MICOS10: variants seen among roughly 807,000 people sequenced by gnomAD.
MICOS10 encodes the protein mitochondrial contact site and cristae organizing system subunit 10.
A neutral mutation model predicts 13.4 loss-of-function variants in MICOS10; 5 were observed. The ratio of observed to expected loss-of-function variants is 0.37; its 90% confidence interval spans 0.20 to 0.78. MICOS10 has a LOEUF of 0.78. Ranked by LOEUF, MICOS10 falls within the 30% of genes least tolerant of loss-of-function variation. The pLI, the probability that MICOS10 is intolerant of heterozygous loss-of-function variation, is 0.47. For missense variants in MICOS10, 101 were observed against 94.6 expected (o/e 1.07, Z -0.28); for synonymous variants, 35 against 33.6 (o/e 1.04, Z -0.15).
At chr1:19,610,367 C>CTTTTTTTTT (rs773668659) in intron 1 of MICOS10, among the ~76,000 whole-genome samples, 6 of 11,924 alleles carry the variant, frequency 5.0e-4, no homozygotes, top group African/African-American at 1.0e-3. Flanking sequence ...CACCCCCCGG[C>CTTTTTTTTT]TTTTTTTTTT....
chr1:19,618,112 C>CT (rs113033580), intron 1 of MICOS10, among the ~76,000 whole-genome samples: 5,388 of 138,148 alleles, frequency 0.039, 249 homozygotes, highest in African/African-American at 0.1. Context: ...TTATACTACA[C>CT]TTTTTTTTTT....
chr1:19,608,490 T>TCCTC (rs904036203), intron 1 of MICOS10: 1 of 1,211,976 alleles, frequency 8.3e-7, no homozygotes, highest in Non-Finnish European at 1.2e-6. Context: ...GGTATGAAGA[T>TCCTC]CGGGAGGATT....
chr1:19,598,512 C>T (rs1312343162), intron 1 of MICOS10, among the ~76,000 whole-genome samples: 5 of 152,056 alleles, frequency 3.3e-5, no homozygotes, highest in South Asian at 2.1e-4. Context: ...CGAAGTGGCT[C>T]AGGCCTGTAA....
Position 19,629,556 on chromosome 1 carries a change from T to G in MICOS10, c.*3155T>G, listed in dbSNP as rs2094932082. ...ATGGCCTCAGAACACACTGTTGAGC[T>G]GTCTCCTTTAGTGAGTGTCATCCTC... On this transcript the variant is annotated 3_prime_UTR_variant, in exon 4 of 4. Coordinates refer to ENST00000322753, the MANE Select transcript of MICOS10 (RefSeq NM_001032363.4). The G allele has an allele frequency of 6.6e-6, 1 of 152,252 alleles. No individual in the cohort carries two copies. Among genetic ancestry groups the G allele is most frequent in the Non-Finnish European group, 1.5e-5 (1 of 68,036 alleles). 9.4% of individuals were successfully genotyped at this position (152,252 alleles called of 1,614,324 possible).
intron 1 of MICOS10, chr1:19,600,712 C>T (rs2094810853): frequency 2.7e-6 from 1 of 370,844 alleles, no homozygotes; most frequent in Non-Finnish European, 5.3e-6. Flanking sequence ...GGTGATCCTC[C>T]CACCTCAGCC....
chr1:19,610,259 GAA>G (rs1371142837), intron 1 of MICOS10, among the ~76,000 whole-genome samples: 1 of 149,010 alleles, frequency 6.7e-6, no homozygotes, highest in Non-Finnish European at 1.5e-5. Flanking sequence ...GAAAGGGAAA[GAA>G]AGGATAAATG....
chr1:19,625,571 G>T (rs1216206644), intron 3 of MICOS10: 1 of 1,289,428 alleles, frequency 7.8e-7, no homozygotes, highest in Non-Finnish European at 1.0e-6. Context: ...CTGGCTCCTC[G>T]CTTTCCTGGC....
chr1:19,615,087 C>G (rs987709685), intron 1 of MICOS10, among the ~76,000 whole-genome samples: 35 of 152,216 alleles, frequency 2.3e-4, no homozygotes, highest in South Asian at 4.1e-4. Context: ...GAACACTGTC[C>G]TTTCATGGCA....
At chr1:19,611,836 G>C (rs780388686) in intron 1 of MICOS10, among the ~76,000 whole-genome samples, 16 of 151,230 alleles carry the variant, frequency 1.1e-4, no homozygotes, top group African/African-American at 3.6e-4. Context: ...GCTGGGCGTG[G>C]TGGCATGCGC....
Position 19,597,099 on chromosome 1 carries a change from C to T in MICOS10, c.54C>T (p.Val18=). The part of the protein sequence containing the change: ...RKWDRCLADA[V]VKIGTGFGLG... Reference sequence around the variant, plus strand: ...GGGACCGGTGTCTGGCGGATGCGGTCGTGAAGATAGGTAAGGGGCTTTTCG... The same window carrying T: ...GGGACCGGTGTCTGGCGGATGCGGTTGTGAAGATAGGTAAGGGGCTTTTCG... Residue 18 remains valine, a synonymous_variant, in exon 1 of 4, where the codon GTC becomes GTT. Transcript: ENST00000322753. The T allele has an allele frequency of 6.2e-7, 1 of 1,600,580 alleles. No homozygotes were observed. Among genetic ancestry groups the T allele is most frequent in the Non-Finnish European group, 8.5e-7 (1 of 1,174,380 alleles).
intron 1 of MICOS10, among the ~76,000 whole-genome samples, chr1:19,618,633 A>G (rs1434271133): frequency 1.3e-5 from 2 of 152,144 alleles, no homozygotes; most frequent in Non-Finnish European, 1.5e-5. Flanking sequence ...CAGAGAGCTG[A>G]CTTGTAGGGA....
intron 1 of MICOS10, among the ~76,000 whole-genome samples, chr1:19,608,994 C>CTT (rs5772856): frequency 0.031 from 1,892 of 60,610 alleles, 438 homozygotes; most frequent in Non-Finnish European, 0.041. Context: ...CTTTTCCCAG[C>CTT]TTTTTTTTTT....
Position 19,609,388 on chromosome 1 carries a change from C to T in MICOS10, c.64+12279C>T, listed in dbSNP as rs562813308. Among the ~76,000 whole-genome samples the T allele has an allele frequency of 1.5e-4, 23 of 152,186 alleles. No homozygotes were observed. In the South Asian group the frequency reaches 4.4e-3, roughly 29 times the overall value. On this transcript the variant is annotated intron_variant, in intron 1 of 3. Coordinates refer to ENST00000322753, the MANE Select transcript of MICOS10 (RefSeq NM_001032363.4). ...TGGAACAACTGGGACTCTTATACAC[C>T]GTTCATTGGAATGGGAAATGGTAGA...
chr1:19,606,766 A>AAAAAAAG (rs1251456877), intron 1 of MICOS10, among the ~76,000 whole-genome samples: 1 of 152,084 alleles, frequency 6.6e-6, no homozygotes, highest in African/African-American at 2.4e-5. Flanking sequence ...AAAAAGAAAG[A>AAAAAAAG]AAAAAAGTAG....
intron 1 of MICOS10, among the ~76,000 whole-genome samples, chr1:19,610,761 G>A (rs1041698836): frequency 6.6e-6 from 1 of 152,060 alleles, no homozygotes; most frequent in African/African-American, 2.4e-5. Flanking sequence ...CTGATTGTCA[G>A]AACCTGCACA....
chr1:19,615,701 G>A (rs1446015473), intron 1 of MICOS10, among the ~76,000 whole-genome samples: 3 of 71,096 alleles, frequency 4.2e-5, no homozygotes, highest in Non-Finnish European at 8.6e-5. Flanking sequence ...GCCCCCCACC[G>A]CCCCCGAGTA....
chr1:19,625,722 G>A, intron 3 of MICOS10: 1 of 1,152,894 alleles, frequency 8.7e-7, no homozygotes, highest in Non-Finnish European at 1.1e-6. Flanking sequence ...TGTATTTAAT[G>A]GCTGGGAGTT....
chr1:19,599,982 T>C (rs2094807641), intron 1 of MICOS10, among the ~76,000 whole-genome samples: 1 of 152,054 alleles, frequency 6.6e-6, no homozygotes, highest in African/African-American at 2.4e-5. Flanking sequence ...GCAACAAATA[T>C]TTATTGAGCT....
At chr1:19,610,691 T>C (rs1259715027) in intron 1 of MICOS10, among the ~76,000 whole-genome samples, 3 of 152,152 alleles carry the variant, frequency 2.0e-5, no homozygotes, top group African/African-American at 7.2e-5. Context: ...GACATAATTG[T>C]CGACAGATTT....
Sources: allele counts gnomAD v4.1 joint callset (sites outside exome capture counted in the v4.1 genomes callset), GRCh38; gene constraint gnomAD v4.1.1; transcripts MANE v1.5; gene names NCBI Gene and HGNC (gene_info 2026-07-23, HGNC 2026-07-21).